Variants in PDZD2 observed in about 807,000 individuals in gnomAD.
PDZD2 encodes PDZ domain containing 2.
Under a neutral mutation model 220.7 loss-of-function variants are expected in PDZD2, and 90 were observed. The ratio of observed to expected loss-of-function variants is 0.41; its 90% confidence interval spans 0.34 to 0.49. The LOEUF (loss-of-function observed/expected upper bound fraction) is 0.49. Ranked by LOEUF, PDZD2 falls within the 20% of genes least tolerant of loss-of-function variation. The pLI is 0.28. For missense variants in PDZD2, 3,174 were observed against 3,608.5 expected, an observed-to-expected ratio of 0.88 and a Z score of 3.08; for synonymous variants, 1,375 against 1,450.5, an observed-to-expected ratio of 0.95 and a Z score of 1.18.
chr5:31,938,890 G>A (rs1001245024), intron 2 of PDZD2, among the ~76,000 whole-genome samples: 2 of 152,192 alleles, frequency 1.3e-5, no homozygotes, highest in Non-Finnish European at 2.9e-5. Context: ...TTTAACTTGT[G>A]TCGAAACTTC....
At chr5:31,943,517 T>A (rs1746386262) in intron 2 of PDZD2, among the ~76,000 whole-genome samples, 2 of 152,196 alleles carry the variant, frequency 1.3e-5, no homozygotes. Flanking sequence ...GTATTCAGAA[T>A]GTAACATGGG....
chr5:31,859,601 C>G (rs1286979435), intron 2 of PDZD2, among the ~76,000 whole-genome samples: 2 of 152,154 alleles, frequency 1.3e-5, no homozygotes, highest in Non-Finnish European at 2.9e-5. Context: ...AAGCATTTCT[C>G]TACTCCCTGC....
rs1194691510 is a variant in PDZD2 at position 32,087,715 on chromosome 5, C to G, written c.4267C>G (p.Pro1423Ala). ...CTGCCCAGGGGGGAGTAGAGAGAGC[C>G]CTGTGACGGACATTGACAGCTTCAT... ...HCCPGGSRES[P>A]VTDIDSFIKE... Residue 1423 changes from proline (P) to alanine (A), a missense_variant, in exon 20 of 25, where the codon CCT becomes GCT. Coordinates refer to ENST00000438447, the MANE Select transcript of PDZD2 (RefSeq NM_178140.4). This position sits in a 1 kb window ranked among gnomAD's most constrained non-coding sequence, Gnocchi z 4.0. 6.2e-7 allele frequency: 1 copy of G among 1,613,980 alleles called. No individual in the cohort carries two copies. The highest frequency in any genetic ancestry group is 2.2e-5 in the East Asian group (1 of 44,866).
chr5:31,826,950 T>A (rs1353480622), intron 2 of PDZD2, among the ~76,000 whole-genome samples: 6 of 152,174 alleles, frequency 3.9e-5, no homozygotes, highest in Non-Finnish European at 7.4e-5. Context: ...AGTCTTTTTT[T>A]GCTGGGATGC....
intron 22 of PDZD2, among the ~76,000 whole-genome samples, chr5:32,097,584 G>A (rs993823239): frequency 2.0e-5 from 3 of 152,208 alleles, no homozygotes; most frequent in East Asian, 3.9e-4. Flanking sequence ...GAGCTGACAT[G>A]TATAGGCCAT....
intron 1 of PDZD2, among the ~76,000 whole-genome samples, chr5:31,651,771 A>C (rs1745358789): frequency 1.3e-5 from 2 of 151,882 alleles, no homozygotes; most frequent in Admixed American, 1.3e-4. Flanking sequence ...AGCTGGGACT[A>C]TAGTATGCAC....
chr5:32,079,077 T>C (rs186341069), intron 19 of PDZD2, among the ~76,000 whole-genome samples: 2 of 151,484 alleles, frequency 1.3e-5, no homozygotes, highest in Non-Finnish European at 2.9e-5. Context: ...CTGGCCAACA[T>C]AGTGAAATCT....
Position 32,098,818 on chromosome 5 carries a change from A to G in PDZD2, c.8218+184A>G, listed in dbSNP as rs1251280583. Reference sequence around the variant, plus strand: ...GTTACAAATAAATTAGAAAAAAATTAGAAAATTAGAAAAATCCCCCCAGTA... The same window carrying G: ...GTTACAAATAAATTAGAAAAAAATTGGAAAATTAGAAAAATCCCCCCAGTA... On this transcript the variant is annotated intron_variant, in intron 23 of 24. Coordinates refer to ENST00000438447, the MANE Select transcript of PDZD2 (RefSeq NM_178140.4). The surrounding 1 kb of genome is among the most constrained non-coding windows in gnomAD (Gnocchi z 4.1). Among the ~76,000 whole-genome samples the G allele has an allele frequency of 6.6e-6, 1 of 152,232 alleles. No homozygotes were observed. The highest frequency in any genetic ancestry group is 1.5e-5 in the Non-Finnish European group (1 of 68,034).
intron 9 of PDZD2, 127 bp downstream of exon 9, chr5:32,052,857 C>T: frequency 1.0e-6 from 1 of 966,104 alleles, no homozygotes; most frequent in Non-Finnish European, 1.6e-6. Flanking sequence ...GTTGCCCAGG[C>T]CGGAGTGCAG....
intron 2 of PDZD2, among the ~76,000 whole-genome samples, chr5:31,854,646 A>G (rs188975351): frequency 3.3e-5 from 5 of 152,096 alleles, no homozygotes; most frequent in Non-Finnish European, 5.9e-5. Context: ...ACGAGGGTCT[A>G]GGGTAGGGCG....
chr5:32,049,271 T>C (rs1738285357), intron 8 of PDZD2, among the ~76,000 whole-genome samples: 1 of 152,200 alleles, frequency 6.6e-6, no homozygotes, highest in South Asian at 2.1e-4. Flanking sequence ...ATCCTCAACC[T>C]GGTAGAAACC....
chr5:31,785,397 A>G (rs6884195), intron 1 of PDZD2, among the ~76,000 whole-genome samples: 104 of 147,944 alleles, frequency 7.0e-4, no homozygotes, highest in African/African-American at 2.5e-3. Context: ...ATATAAATAT[A>G]TATTTCCCAT....
chr5:31,933,119 C>G (rs1581111233), intron 2 of PDZD2, among the ~76,000 whole-genome samples: 1 of 152,126 alleles, frequency 6.6e-6, no homozygotes, highest in African/African-American at 2.4e-5. Flanking sequence ...CCATGTTGGC[C>G]AGGCTGGTCT....
intron 2 of PDZD2, among the ~76,000 whole-genome samples, chr5:31,896,173 A>G (rs1239264015): frequency 6.6e-6 from 1 of 152,052 alleles, no homozygotes; most frequent in African/African-American, 2.4e-5. Context: ...CGGAAAGGTA[A>G]AAAATAAATA....
chr5:32,037,483 C>A (rs1044738983), intron 7 of PDZD2, 141 bp downstream of exon 7: 55 of 603,732 alleles, frequency 9.1e-5, no homozygotes, highest in Non-Finnish European at 1.2e-5. Context: ...GTGCATATCC[C>A]AGGCATAACA....
intron 1 of PDZD2, among the ~76,000 whole-genome samples, chr5:31,644,048 G>A (rs1019672468): frequency 1.3e-5 from 2 of 152,102 alleles, no homozygotes; most frequent in African/African-American, 4.8e-5. Flanking sequence ...GCCCAGGCTG[G>A]TATCAAACTC....
Position 32,074,622 on chromosome 5 carries a change from G to T in PDZD2, c.3516G>T (p.Gln1172His), listed in dbSNP as rs765959789. Residue 1172 changes from glutamine (Q) to histidine (H), a missense_variant, in exon 18 of 25, where the codon CAG becomes CAT. Gln to His is a conservative substitution (Grantham distance 24). Around this residue, in one of 4 missense-constraint regions of PDZD2, gnomAD observed 1,861 missense variants for 2,001.0 expected, o/e 0.93. Coordinates refer to ENST00000438447, the MANE Select transcript of PDZD2 (RefSeq NM_178140.4). ...TSVKVTVAGFQPGGAVEKESL... is the reference protein window; with the variant it reads ...TSVKVTVAGFHPGGAVEKESL... ...TCAAAGTGACTGTCGCTGGCTTTCAGCCAGGTGGAGCTGTGGAGAAGGTAA... is the reference window on the plus strand; with the variant it reads ...TCAAAGTGACTGTCGCTGGCTTTCATCCAGGTGGAGCTGTGGAGAAGGTAA... 16 of 1,608,448 alleles carry T rather than the reference G, an allele frequency of 9.9e-6. No individual in the cohort carries two copies. Among genetic ancestry groups the T allele is most frequent in the Non-Finnish European group, 1.3e-5 (15 of 1,177,394 alleles).
chr5:32,096,516 G>A (rs1020827065), intron 21 of PDZD2, among the ~76,000 whole-genome samples: 49 of 152,016 alleles, frequency 3.2e-4, no homozygotes, highest in Non-Finnish European at 5.7e-4. Context: ...ACGGGGTTTC[G>A]CCATGTTGAC....
intron 2 of PDZD2, among the ~76,000 whole-genome samples, chr5:31,979,627 G>T (rs985837835): frequency 2.0e-5 from 3 of 151,632 alleles, no homozygotes; most frequent in African/African-American, 4.9e-5. Context: ...GTTTTGTGCT[G>T]TGCACCAGAT....
Sources: gnomAD v4.1 joint callset for allele counts (sites outside exome capture counted in the v4.1 genomes callset) on GRCh38, gnomAD v4.1.1 for gene constraint, gnomAD v4.1.1 regional missense constraint, Gnocchi (gnomAD v3.1) non-coding constraint, MANE v1.5 for transcripts, NCBI Gene and HGNC (gene_info 2026-07-23, HGNC 2026-07-21) for gene names.